The following KCTD16 variants were observed in gnomAD, a reference collection of about 807,000 sequenced individuals.
KCTD16 encodes the protein potassium channel tetramerization domain containing 16, also known as BTB/POZ domain-containing protein KCTD16.
In KCTD16, 13 loss-of-function variants were observed where a neutral mutation model predicts 33.2. The ratio of observed to expected loss-of-function variants is 0.39; its 90% CI spans 0.25 to 0.62. KCTD16 has a LOEUF of 0.62. Among genes scored for constraint, KCTD16 ranks in the 20% least tolerant of loss-of-function variants. The pLI is 0.50. For synonymous variants in KCTD16, 197 were observed against 195.3 expected (o/e 1.01, Z -0.07); for missense variants, 441 against 525.1 (o/e 0.84, Z 1.57).
chr5:144,371,564 C>G (rs187273568), intron 3 of KCTD16, among the ~76,000 whole-genome samples: 164 of 152,234 alleles, frequency 1.1e-3, no homozygotes, highest in African/African-American at 3.0e-3. Flanking sequence ...TTCCTGGACA[C>G]CATGCACAAC....
chr5:144,241,524 A>T (rs781089995), intron 3 of KCTD16, among the ~76,000 whole-genome samples: 1 of 152,198 alleles, frequency 6.6e-6, no homozygotes, highest in South Asian at 2.1e-4. Flanking sequence ...TTTTAATTGT[A>T]TTCAAGGAGG....
intron 3 of KCTD16, among the ~76,000 whole-genome samples, chr5:144,294,467 T>C (rs1469129120): frequency 6.6e-6 from 1 of 151,638 alleles, no homozygotes; most frequent in African/African-American, 2.4e-5. Flanking sequence ...TCTGGGTGTA[T>C]GTAAGCATTT....
chr5:144,304,230 C>T (rs1298975287), intron 3 of KCTD16, among the ~76,000 whole-genome samples: 6 of 152,118 alleles, frequency 3.9e-5, no homozygotes, highest in African/African-American at 1.2e-4. Flanking sequence ...AAGTTGACTG[C>T]GATGAGCCAG....
rs141117615 is a variant in KCTD16 at position 144,478,684 on chromosome 5, G to C, written c.*4570G>C. The C allele has an allele frequency of 2.3e-3, 346 of 152,126 alleles. 1 individual carries two copies. Among genetic ancestry groups the C allele is most frequent in the African/African-American group, 8.1e-3 (335 of 41,552 alleles). 9.4% of individuals were successfully genotyped at this position (152,126 alleles called of 1,614,324 possible). On this transcript the variant is annotated 3_prime_UTR_variant, in exon 4 of 4. Transcript: ENST00000512467. ...AGACCTTACTTTGAAAAATTCTGCT[G>C]TTTAGGGAATATGCAGAGGCCAAGA...
At chr5:144,369,639 G>A (rs896146646) in intron 3 of KCTD16, among the ~76,000 whole-genome samples, 2 of 152,090 alleles carry the variant, frequency 1.3e-5, no homozygotes, top group African/African-American at 4.8e-5. Flanking sequence ...TTGATCTCTT[G>A]ACACCTCTGA....
intron 3 of KCTD16, among the ~76,000 whole-genome samples, chr5:144,367,607 C>G (rs1021317767): frequency 1.8e-4 from 27 of 152,066 alleles, no homozygotes; most frequent in Admixed American, 1.8e-3. Flanking sequence ...TCCACTATTT[C>G]TTGCCAAATA....
chr5:144,293,532 T>C (rs1755953866), intron 3 of KCTD16, among the ~76,000 whole-genome samples: 1 of 152,232 alleles, frequency 6.6e-6, no homozygotes, highest in South Asian at 2.1e-4. Flanking sequence ...ACCATATCCA[T>C]TGCTGAAATT....
intron 3 of KCTD16, among the ~76,000 whole-genome samples, chr5:144,323,070 T>C (rs1424438204): frequency 6.6e-6 from 1 of 152,134 alleles, no homozygotes; most frequent in East Asian, 1.9e-4. Context: ...ATCATTTCAC[T>C]GAATGAAACT....
intron 3 of KCTD16, among the ~76,000 whole-genome samples, chr5:144,229,902 G>A (rs1754046759): frequency 2.6e-5 from 4 of 152,198 alleles, no homozygotes. Flanking sequence ...AGCACTTTGG[G>A]AGGCCGAGGC....
intron 3 of KCTD16, among the ~76,000 whole-genome samples, chr5:144,420,151 T>G (rs2126961305): frequency 6.6e-6 from 1 of 152,268 alleles, no homozygotes. Flanking sequence ...AGTTCATCAA[T>G]CTCAGCGTTA....
intron 3 of KCTD16, among the ~76,000 whole-genome samples, chr5:144,278,182 T>G (rs1755490401): frequency 6.6e-6 from 1 of 152,096 alleles, no homozygotes; most frequent in Non-Finnish European, 1.5e-5. Context: ...AGAATTCATT[T>G]TAAGTTCACT....
chr5:144,448,893 T>C (rs1753881011), intron 3 of KCTD16, among the ~76,000 whole-genome samples: 2 of 152,066 alleles, frequency 1.3e-5, no homozygotes, highest in Admixed American at 6.6e-5. Flanking sequence ...TGATAAACTT[T>C]TGGTACAATC....
In KCTD16 at chr5:144,403,859, G is replaced by A. The variant is rs1752756988; in HGVS notation, c.833-69801G>A. On this transcript the variant is annotated intron_variant, in intron 3 of 3. Transcript: ENST00000512467. ...CAAAGCATAAGCTATCATTCTGGAAGTAACAGTGAGGCTTTTGAAAACTCC... is the reference window on the plus strand; with the variant it reads ...CAAAGCATAAGCTATCATTCTGGAAATAACAGTGAGGCTTTTGAAAACTCC... 2.0e-5 allele frequency among the ~76,000 whole-genome samples: 3 copies of A among 152,130 alleles called. No homozygotes were observed. In the East Asian group the frequency reaches 5.8e-4, roughly 29 times the overall value.
At chr5:144,300,034 G>A (rs1010581462) in intron 3 of KCTD16, among the ~76,000 whole-genome samples, 4 of 152,062 alleles carry the variant, frequency 2.6e-5, no homozygotes, top group Admixed American at 1.3e-4. Flanking sequence ...CCTATGATCA[G>A]TATAACTGCA....
chr5:144,441,210 G>T (rs1309052407), intron 3 of KCTD16, among the ~76,000 whole-genome samples: 1 of 151,760 alleles, frequency 6.6e-6, no homozygotes, highest in Non-Finnish European at 1.5e-5. Context: ...AATTCCATGG[G>T]TTTTCTTTTT....
chr5:144,369,735 G>A (rs1307178746), intron 3 of KCTD16, among the ~76,000 whole-genome samples: 1 of 152,088 alleles, frequency 6.6e-6, no homozygotes, highest in East Asian at 1.9e-4. Context: ...CCTTAGTAAG[G>A]AGAATTTGTG....
chr5:144,291,677 C>T (rs911731813), intron 3 of KCTD16, among the ~76,000 whole-genome samples: 12 of 152,024 alleles, frequency 7.9e-5, no homozygotes, highest in African/African-American at 1.2e-4. Flanking sequence ...CAATGAGGTA[C>T]GCCTAAAAAT....
rs1191452835 is a variant in KCTD16 at position 144,270,595 on chromosome 5, T to G, written c.832+63049T>G. Among the ~76,000 whole-genome samples the G allele has an allele frequency of 2.8e-5, 4 of 145,130 alleles. No homozygotes were observed. The South Asian group carries it at 8.6e-4, about 31-fold the overall frequency. Reference sequence around the variant, plus strand: ...AACACAGTAAAAAATAAGAAATATCTCAAATCAACAACCTAATTTTACAAG... The same window carrying G: ...AACACAGTAAAAAATAAGAAATATCGCAAATCAACAACCTAATTTTACAAG... On this transcript the variant is annotated intron_variant, in intron 3 of 3. Coordinates refer to ENST00000512467, the MANE Select transcript of KCTD16 (RefSeq NM_020768.4).
intron 3 of KCTD16, among the ~76,000 whole-genome samples, chr5:144,282,135 C>A (rs376491990): frequency 6.6e-6 from 1 of 152,164 alleles, no homozygotes; most frequent in East Asian, 1.9e-4. Context: ...AGGGTTGAGA[C>A]TTTCACCCCC....
Sources: allele counts gnomAD v4.1 joint callset (sites outside exome capture counted in the v4.1 genomes callset), GRCh38; gene constraint gnomAD v4.1.1; transcripts MANE v1.5; gene names NCBI Gene and HGNC (gene_info 2026-07-23, HGNC 2026-07-21).